The following GPC6 variants were observed in gnomAD, a reference collection of about 807,000 sequenced individuals.
GPC6 encodes glypican-6.
GPC6 carries 14 observed loss-of-function variants against 55.2 expected under a neutral mutation model. That is an observed-to-expected ratio of 0.25 (90% CI 0.17 to 0.40). The LOEUF (loss-of-function observed/expected upper bound fraction) is 0.40, where lower values mean the gene tolerates loss of function less well. Among genes scored for constraint, GPC6 ranks in the 10% least tolerant of loss-of-function variants. The pLI, the probability that GPC6 is intolerant of heterozygous loss-of-function variation, is 1.00. For synonymous variants in GPC6, 278 were observed against 259.6 expected, an observed-to-expected ratio of 1.07 and a Z score of -0.68; for missense variants, 641 against 708.5, an observed-to-expected ratio of 0.90 and a Z score of 1.08.
intron 4 of GPC6, among the ~76,000 whole-genome samples, chr13:94,228,869 A>G (rs1890637240): frequency 6.6e-6 from 1 of 151,888 alleles, no homozygotes; most frequent in African/African-American, 2.4e-5. Context: ...CAAGTGTGGG[A>G]GGAGTAACCA....
At chr13:93,761,177 G>C (rs574642433) in intron 2 of GPC6, among the ~76,000 whole-genome samples, 2 of 152,088 alleles carry the variant, frequency 1.3e-5, no homozygotes, top group African/African-American at 2.4e-5. Context: ...AAGGCATGCT[G>C]TAGTAAAATT....
At chr13:93,269,313 G>C (rs746324373) in intron 1 of GPC6, among the ~76,000 whole-genome samples, 2 of 152,094 alleles carry the variant, frequency 1.3e-5, no homozygotes, top group African/African-American at 4.8e-5. Context: ...GATATATTAA[G>C]ACAGATGTAT....
At chr13:93,967,519 C>T (rs1029586429) in intron 3 of GPC6, among the ~76,000 whole-genome samples, 1 of 152,048 alleles carries the variant, frequency 6.6e-6, no homozygotes, top group East Asian at 1.9e-4. Context: ...ATTTACCATC[C>T]TCAAGCACAA....
intron 3 of GPC6, among the ~76,000 whole-genome samples, chr13:93,992,291 T>A (rs975856956): frequency 1.3e-5 from 2 of 151,982 alleles, no homozygotes; most frequent in African/African-American, 4.8e-5. Flanking sequence ...GTATTTAAGA[T>A]AATGTTAATT....
intron 7 of GPC6, among the ~76,000 whole-genome samples, chr13:94,387,228 A>C (rs9524472): frequency 6.6e-6 from 1 of 151,958 alleles, no homozygotes; most frequent in Admixed American, 6.5e-5. Flanking sequence ...CTCCACCCTC[A>C]CCCATCTCTG....
chr13:93,507,733 A>G (rs1880790709), intron 1 of GPC6, among the ~76,000 whole-genome samples: 1 of 152,188 alleles, frequency 6.6e-6, no homozygotes, highest in Non-Finnish European at 1.5e-5. Flanking sequence ...CCTGACATAT[A>G]GAATGTTTTT....
At chr13:94,209,525 C>T (rs940805239) in intron 4 of GPC6, among the ~76,000 whole-genome samples, 7 of 151,974 alleles carry the variant, frequency 4.6e-5, no homozygotes, top group African/African-American at 1.5e-4. Flanking sequence ...TGCAGAAATA[C>T]GCCATAAAAA....
rs976885170 is a variant in GPC6 at position 93,930,367 on chromosome 13, G to A, written c.712-97362G>A. ...GCTCACTGCAGCCTCTGCCTCCCAG[G>A]TTCAAGTGATTCTCCTGCTTCAGCC... On this transcript the variant is annotated intron_variant, in intron 3 of 8. Transcript: ENST00000377047. Among the ~76,000 whole-genome samples, 5 of 149,662 alleles carry A rather than the reference G, an allele frequency of 3.3e-5. No homozygotes were observed. In the Admixed American group the frequency reaches 3.4e-4, roughly 10 times the overall value.
At chr13:93,978,272 G>A (rs180783471) in intron 3 of GPC6, among the ~76,000 whole-genome samples, 1 of 152,270 alleles carries the variant, frequency 6.6e-6, no homozygotes, top group East Asian at 1.9e-4. Context: ...AGCCCAGTGA[G>A]ATCTGTGTTG....
At chr13:94,224,130 T>C (rs899992354) in intron 4 of GPC6, among the ~76,000 whole-genome samples, 6 of 151,974 alleles carry the variant, frequency 3.9e-5, no homozygotes, top group Non-Finnish European at 8.8e-5. Context: ...TGTGCTGTAC[T>C]GTGCTGTGTG....
Position 93,286,991 on chromosome 13 carries a change from CGTT to C in GPC6, c.160+59379_160+59381del, listed in dbSNP as rs67637732. 1.4e-4 allele frequency among the ~76,000 whole-genome samples: 21 copies of C among 152,074 alleles called. No individual in the cohort carries two copies. In the East Asian group the frequency reaches 1.7e-3, roughly 13 times the overall value. ...TTTCCGGTGGTTCAATATACACAAA[CGTT>C]GTTTCATGCACAAATTATTAAAAAA... is the stretch of plus-strand genomic sequence containing the variant. On this transcript the variant is annotated intron_variant, in intron 1 of 8. Coordinates refer to ENST00000377047, the MANE Select transcript of GPC6 (RefSeq NM_005708.5).
intron 1 of GPC6, among the ~76,000 whole-genome samples, chr13:93,386,098 TAAA>T (rs34852109): frequency 0.087 from 11,163 of 127,690 alleles, 533 homozygotes; most frequent in African/African-American, 0.1. Context: ...ACCACTTTGT[TAAA>T]AAAAAAAAAA....
intron 3 of GPC6, among the ~76,000 whole-genome samples, chr13:94,024,579 A>G (rs1344881029): frequency 6.6e-6 from 1 of 152,054 alleles, no homozygotes; most frequent in African/African-American, 2.4e-5. Context: ...ACTGCCCTTT[A>G]TTTGACCAGG....
chr13:93,340,452 A>G (rs559369000), intron 1 of GPC6, among the ~76,000 whole-genome samples: 1 of 152,372 alleles, frequency 6.6e-6, no homozygotes, highest in African/African-American at 2.4e-5. Flanking sequence ...AGAAACACAG[A>G]CAATAGATAA....
chr13:93,607,368 T>A (rs1878277731), intron 2 of GPC6, among the ~76,000 whole-genome samples: 1 of 152,232 alleles, frequency 6.6e-6, no homozygotes, highest in South Asian at 2.1e-4. Flanking sequence ...TGAGGCACTG[T>A]CAGCTAAGCT....
intron 2 of GPC6, among the ~76,000 whole-genome samples, chr13:93,775,089 A>G (rs1354765363): frequency 6.6e-6 from 1 of 152,208 alleles, no homozygotes; most frequent in Non-Finnish European, 1.5e-5. Context: ...CACGTTCTGT[A>G]CTTATTGCTA....
intron 2 of GPC6, among the ~76,000 whole-genome samples, chr13:93,634,482 C>T (rs1338478099): frequency 6.6e-6 from 1 of 152,088 alleles, no homozygotes; most frequent in African/African-American, 2.4e-5. Context: ...TATAGAAAAC[C>T]CTATTAAACG....
At chr13:93,999,546 A>G (rs1373289109) in intron 3 of GPC6, among the ~76,000 whole-genome samples, 2 of 152,290 alleles carry the variant, frequency 1.3e-5, no homozygotes, top group East Asian at 3.9e-4. Flanking sequence ...GATCACCGGT[A>G]TTAGTCTTTT....
At chr13:94,023,726 G>A (rs1189568421) in intron 3 of GPC6, among the ~76,000 whole-genome samples, 1 of 151,920 alleles carries the variant, frequency 6.6e-6, no homozygotes, top group Admixed American at 6.6e-5. Context: ...AAACAACCCA[G>A]ATATCCTTCA....
Sources: allele counts gnomAD v4.1 joint callset (sites outside exome capture counted in the v4.1 genomes callset), GRCh38; gene constraint gnomAD v4.1.1; transcripts MANE v1.5; gene names NCBI Gene and HGNC (gene_info 2026-07-23, HGNC 2026-07-21).